The following ADAMTSL1 variants were observed in gnomAD, a reference collection of about 807,000 sequenced individuals.
ADAMTSL1 encodes ADAMTS like 1.
ADAMTSL1 carries 126 observed loss-of-function variants against 201.8 expected under a neutral mutation model. The ratio of observed to expected loss-of-function variants is 0.62; its 90% CI spans 0.54 to 0.72. ADAMTSL1 has a LOEUF of 0.72. Among genes scored for constraint, ADAMTSL1 ranks in the 30% least tolerant of loss-of-function variants. The probability of loss-of-function intolerance (pLI) is 0.00; values close to 1 mark genes in which losing one functional copy is unlikely to be tolerated. For synonymous variants in ADAMTSL1, 1,121 were observed against 903.4 expected (o/e 1.24, Z -4.32); for missense variants, 2,679 against 2,277.8 (o/e 1.18, Z -3.59).
intron 1 of ADAMTSL1, among the ~76,000 whole-genome samples, chr9:18,024,752 G>A (rs574892589): frequency 6.6e-6 from 1 of 152,154 alleles, no homozygotes; most frequent in South Asian, 2.1e-4. Flanking sequence ...TTTTTTGGTA[G>A]AACAACTTAT....
intron 2 of ADAMTSL1, among the ~76,000 whole-genome samples, chr9:18,183,765 A>T (rs1443705513): frequency 2.0e-5 from 3 of 152,212 alleles, no homozygotes; most frequent in Admixed American, 6.5e-5. Flanking sequence ...AAAAAAGAAT[A>T]AACCAGTCTT....
At chr9:18,406,495 A>AT (rs1271450383) in intron 2 of ADAMTSL1, among the ~76,000 whole-genome samples, 39 of 151,630 alleles carry the variant, frequency 2.6e-4, no homozygotes, top group Admixed American at 2.4e-3. Context: ...TGCCCGGCTA[A>AT]TTTTTTTGTA....
chr9:18,065,985 C>CAAAAAAA (rs34179730), intron 1 of ADAMTSL1, among the ~76,000 whole-genome samples: 3 of 38,136 alleles, frequency 7.9e-5, no homozygotes, highest in East Asian at 1.1e-3. Flanking sequence ...GACTCCATCT[C>CAAAAAAA]AAAAAAAAAA....
At position 18,105,232 on chromosome 9, in the gene ADAMTSL1, C is replaced by T. The variant is rs554594728; in HGVS notation, c.88-58630C>T. The stretch of plus-strand genomic sequence containing the variant: ...TGAGTTTCCTTCCAGCCCTAACTTT[C>T]GGTGTCTCTATGATCCACAAGTGTT... On this transcript the variant is annotated intron_variant, in intron 1 of 29. Transcript: ENST00000680146. Among the ~76,000 whole-genome samples the T allele has an allele frequency of 5.3e-5, 8 of 152,274 alleles. 1 individual carries two copies. In the South Asian group the frequency reaches 1.2e-3, roughly 24 times the overall value.
intron 1 of ADAMTSL1, among the ~76,000 whole-genome samples, chr9:18,112,327 G>T (rs1422267215): frequency 6.6e-6 from 1 of 152,016 alleles, no homozygotes; most frequent in Non-Finnish European, 1.5e-5. Context: ...TCTCCCCGAG[G>T]GGACGTACTC....
Position 18,906,791 on chromosome 9 carries a change from C to T in ADAMTSL1, c.5061C>T (p.Phe1687=), listed in dbSNP as rs572816720. The change falls in exon 28 of 29, where the codon TTC becomes TTT. Residue 1687 remains phenylalanine (F), a synonymous_variant. Coordinates refer to ENST00000380548, the MANE Select transcript of ADAMTSL1 (RefSeq NM_001040272.6). Reference sequence around the variant, plus strand: ...CAGCTACCTGTGGCAACTACGGCTTCCAGTCCCGGCGTGTGGAGTGTGTGC... The same window carrying T: ...CAGCTACCTGTGGCAACTACGGCTTTCAGTCCCGGCGTGTGGAGTGTGTGC... The part of the protein sequence containing the change: ...LCTATCGNYG[F]QSRRVECVHA... 5 of 1,614,032 alleles carry T rather than the reference C, an allele frequency of 3.1e-6. No individual in the cohort carries two copies. The South Asian group carries it at 5.5e-5, about 18-fold the overall frequency.
intron 7 of ADAMTSL1, among the ~76,000 whole-genome samples, chr9:18,656,731 G>T (rs1010597174): frequency 4.0e-5 from 6 of 151,284 alleles, no homozygotes; most frequent in Admixed American, 4.0e-4. Flanking sequence ...TTGTTGTAAT[G>T]TAGAGTAAGA....
At chr9:18,574,446 C>A (rs1038354934) in intron 4 of ADAMTSL1, 180 bp downstream of exon 4, 10 of 681,438 alleles carry the variant, frequency 1.5e-5, no homozygotes, top group East Asian at 2.5e-5. Flanking sequence ...TTGTATTGTG[C>A]GAAGGAAAAG....
At chr9:18,553,832 C>T (rs12001049) in intron 3 of ADAMTSL1, among the ~76,000 whole-genome samples, 1 of 151,490 alleles carries the variant, frequency 6.6e-6, no homozygotes, top group African/African-American at 2.4e-5. Flanking sequence ...TGCCTGACTT[C>T]TTTTATTTAT....
At chr9:18,549,280 C>T (rs771174244) in intron 3 of ADAMTSL1, among the ~76,000 whole-genome samples, 7 of 151,970 alleles carry the variant, frequency 4.6e-5, no homozygotes, top group Non-Finnish European at 8.8e-5. Flanking sequence ...AAGGCTGAAA[C>T]TTCTCAGTCA....
intron 13 of ADAMTSL1, among the ~76,000 whole-genome samples, chr9:18,705,396 T>C (rs1268586932): frequency 2.0e-5 from 3 of 152,222 alleles, no homozygotes; most frequent in South Asian, 2.1e-4. Flanking sequence ...GGCTTTTTTT[T>C]CCTAGGCCCC....
rs1830548172 is a variant in ADAMTSL1 at position 18,910,630 on chromosome 9, A to C, written c.*2082A>C. 3 of 152,226 alleles carry C rather than the reference A, an allele frequency of 2.0e-5. No homozygotes were observed. Among genetic ancestry groups the C allele is most frequent in the Admixed American group, 1.3e-4 (2 of 15,284 alleles). 9.4% of individuals were successfully genotyped at this position (152,226 alleles called of 1,614,324 possible). ...TTCCATACTACTACTAATGTGGTTA[A>C]TTATTTCTAGTTCGATAGTGATTGA... On this transcript the variant is annotated 3_prime_UTR_variant, in exon 29 of 29. Transcript: ENST00000380548.
At position 18,097,096 on chromosome 9, in the gene ADAMTSL1, T is replaced by A. The variant is rs1824284956; in HGVS notation, c.88-66766T>A. ...GTCCACCTTCCTAGTCAGTTACCCA[T>A]CCCCATTCCAAGCCAACGTTGATCC... On this transcript the variant is annotated intron_variant, in intron 1 of 29. Coordinates refer to the ADAMTSL1 transcript ENST00000680146. Among the ~76,000 whole-genome samples, 4 of 152,256 alleles carry A rather than the reference T, an allele frequency of 2.6e-5. No homozygotes were observed. The South Asian group carries it at 8.3e-4, about 32-fold the overall frequency.
chr9:18,434,123 A>T (rs1819617162), intron 2 of ADAMTSL1, among the ~76,000 whole-genome samples: 1 of 152,236 alleles, frequency 6.6e-6, no homozygotes, highest in African/African-American at 2.4e-5. Context: ...TATAGAGGGA[A>T]TACATGTGTA....
chr9:17,997,945 C>T (rs1819451193), intron 1 of ADAMTSL1, among the ~76,000 whole-genome samples: 1 of 151,974 alleles, frequency 6.6e-6, no homozygotes, highest in Non-Finnish European at 1.5e-5. Context: ...CTTACTGTTA[C>T]CTGGAATGGC....
chr9:18,458,489 T>G (rs772592903), intron 2 of ADAMTSL1, among the ~76,000 whole-genome samples: 1 of 152,188 alleles, frequency 6.6e-6, no homozygotes, highest in Admixed American at 6.5e-5. Flanking sequence ...TAATGTGAGA[T>G]CTGAACAGTT....
At position 18,210,130 on chromosome 9, in the gene ADAMTSL1, A is replaced by G. The variant is rs571906006; in HGVS notation, c.207+46149A>G. 2.4e-3 allele frequency among the ~76,000 whole-genome samples: 358 copies of G among 152,052 alleles called. 3 individuals carry two copies. Among genetic ancestry groups the G allele is most frequent in the African/African-American group, 8.4e-3 (348 of 41,506 alleles). On this transcript the variant is annotated intron_variant, in intron 2 of 29. Coordinates refer to the ADAMTSL1 transcript ENST00000680146. ...AGCCTCTTTCTCTTAACATAATCAC[A>G]ACCAGGTAATGTCAGTCCCCAAGAG...
chr9:18,310,197 T>A (rs903017891), intron 2 of ADAMTSL1, among the ~76,000 whole-genome samples: 13 of 151,704 alleles, frequency 8.6e-5, no homozygotes, highest in African/African-American at 3.1e-4. Context: ...CAAGATGGTA[T>A]AAACACTTAA....
intron 2 of ADAMTSL1, among the ~76,000 whole-genome samples, chr9:18,313,934 A>G (rs1027320737): frequency 6.6e-6 from 1 of 152,200 alleles, no homozygotes; most frequent in Non-Finnish European, 1.5e-5. Flanking sequence ...CATATATCTG[A>G]TAAGGGGTTA....
Sources: allele counts gnomAD v4.1 joint callset (sites outside exome capture counted in the v4.1 genomes callset), GRCh38; gene constraint gnomAD v4.1.1; transcripts MANE v1.5; gene names NCBI Gene and HGNC (gene_info 2026-07-23, HGNC 2026-07-21).